USF3: variants seen among roughly 807,000 people sequenced by gnomAD.
USF3 encodes basic helix-loop-helix domain-containing protein USF3.
In USF3, 29 loss-of-function variants were observed where a neutral mutation model predicts 157.5. The observed-to-expected ratio is 0.18, with a 90% CI of 0.14 to 0.25. The LOEUF is 0.25. Among genes scored for constraint, USF3 ranks in the 10% least tolerant of loss-of-function variants. The pLI is 1.00. For missense variants in USF3, 2,381 were observed against 2,667.6 expected (o/e 0.89, Z 2.37); for synonymous variants, 893 against 941.4 (o/e 0.95, Z 0.94).
chr3:113,684,870 A>G (rs1020928823), intron 1 of USF3, among the ~76,000 whole-genome samples: 4 of 152,112 alleles, frequency 2.6e-5, no homozygotes, highest in African/African-American at 9.7e-5. Context: ...TAGTTCATTC[A>G]GTGAGGTCAT....
chr3:113,678,529 A>G (rs1034828416), intron 1 of USF3, among the ~76,000 whole-genome samples: 6 of 152,160 alleles, frequency 3.9e-5, no homozygotes, highest in Non-Finnish European at 7.3e-5. Context: ...ATCCATCTCA[A>G]TGTAAAATTA....
chr3:113,659,966 G>A lies in USF3; in HGVS notation c.1716C>T (p.Ser572=), dbSNP rs1947450989. The A allele has an allele frequency of 6.2e-7, 1 of 1,614,188 alleles. No homozygotes were observed. Among genetic ancestry groups the A allele is most frequent in the Non-Finnish European group, 8.5e-7 (1 of 1,180,030 alleles). Residue 572 remains serine, a synonymous_variant, in exon 7 of 7, where the codon TCC becomes TCT. Coordinates refer to ENST00000316407, the MANE Select transcript of USF3 (RefSeq NM_001009899.4). ...PCPTVMRAEV[S]NQTVGQQIVI... ...CTATCTGTTGACCTACTGTTTGGTTGGAAACTTCTGCCCTCATCACTGTTG... is the reference window on the plus strand; with the variant it reads ...CTATCTGTTGACCTACTGTTTGGTTAGAAACTTCTGCCCTCATCACTGTTG...
chr3:113,685,968 G>A lies in USF3; in HGVS notation c.-134-8571C>T, dbSNP rs151197506. Among the ~76,000 whole-genome samples, 312 of 152,238 alleles carry A rather than the reference G, an allele frequency of 2.0e-3. 1 individual carries two copies. The highest frequency in any genetic ancestry group is 5.7e-3 in the African/African-American group (236 of 41,530). The stretch of plus-strand genomic sequence containing the variant: ...AGCTGTGATGTCTGGAGTTGGAGGA[G>A]TGGTGATGCAAGCACTCCTTTGGCC... On this transcript the variant is annotated intron_variant, in intron 1 of 6. Coordinates refer to ENST00000316407, the MANE Select transcript of USF3 (RefSeq NM_001009899.4).
intron 5 of USF3, among the ~76,000 whole-genome samples, chr3:113,668,689 T>A (rs1384174083): frequency 3.3e-5 from 5 of 149,908 alleles, no homozygotes; most frequent in Non-Finnish European, 3.0e-5. Flanking sequence ...AAAAAGGAAA[T>A]CAGAGGAAAA....
chr3:113,668,808 A>C (rs1334280795), intron 5 of USF3, among the ~76,000 whole-genome samples: 1 of 152,170 alleles, frequency 6.6e-6, no homozygotes, highest in Non-Finnish European at 1.5e-5. Flanking sequence ...AGAATAAGAA[A>C]AAAGACTATT....
chr3:113,675,663 A>C (rs550467721), intron 2 of USF3, among the ~76,000 whole-genome samples: 1 of 152,320 alleles, frequency 6.6e-6, no homozygotes, highest in African/African-American at 2.4e-5. Context: ...TGATGCTTTT[A>C]TATCCCAGAG....
At chr3:113,670,317 G>A in intron 4 of USF3, 114 bp from the exon 5 acceptor site, 2 of 695,862 alleles carry the variant, frequency 2.9e-6, no homozygotes, top group Middle Eastern at 3.5e-4. Context: ...GCTTATCAAT[G>A]GCCAGGCGTG....
rs777339401 is a variant in USF3 at position 113,657,690 on chromosome 3, G to C, written c.3992C>G (p.Ala1331Gly). The change falls in exon 7 of 7, where the codon GCT becomes GGT. Residue 1331 changes from alanine to glycine, a missense_variant. By Grantham distance (60) the Ala-to-Gly change is moderately conservative. Coordinates refer to ENST00000316407, the MANE Select transcript of USF3 (RefSeq NM_001009899.4). ...AGACAGTAAAAGGTCATCTTGGACAGCACGCTTAGCAGAATCCTTACGGCT... is the reference window on the plus strand; with the variant it reads ...AGACAGTAAAAGGTCATCTTGGACACCACGCTTAGCAGAATCCTTACGGCT... ...HESRKDSAKR[A>G]VQDDLLLSSA... 4 of 1,614,206 alleles carry C rather than the reference G, an allele frequency of 2.5e-6. No homozygotes were observed. Among genetic ancestry groups the C allele is most frequent in the Non-Finnish European group, 3.4e-6 (4 of 1,180,036 alleles).
chr3:113,660,870 A>G lies in USF3; in HGVS notation c.812T>C (p.Leu271Ser), dbSNP rs779080314. Residue 271 changes from leucine to serine, a missense_variant, in exon 7 of 7, where the codon TTG (leucine) becomes TCG (serine). By Grantham distance (145) the Leu-to-Ser change is moderately radical (BLOSUM62 -2). Around this residue, in one of 6 missense-constraint regions of USF3, gnomAD observed 1,435 missense variants for 1,550.9 expected, o/e 0.93. Transcript: ENST00000316407. ...IESEPHQHHS[L>S]HTCLNDQNSS... ...ATTTTGATCATTTAGGCATGTGTGC[A>G]AAGAATGATGTTGGTGAGGCTCAGA... 5 of 1,614,210 alleles carry G rather than the reference A, an allele frequency of 3.1e-6. 1 individual carries two copies. In the South Asian group the frequency reaches 5.5e-5, roughly 18 times the overall value.
rs1270817257 is a variant in USF3 at position 113,660,003 on chromosome 3, G to A, written c.1679C>T (p.Thr560Ile). 6.2e-7 allele frequency: 1 copy of A among 1,614,168 alleles called. No homozygotes were observed. ...CCTCATCACTGTTGGGCATGGGGTGGTGCTAGGTGGCTGAAGAATTATAAC... is the reference window on the plus strand; with the variant it reads ...CCTCATCACTGTTGGGCATGGGGTGATGCTAGGTGGCTGAAGAATTATAAC... ...QNVIILQPPS[T>I]TPCPTVMRAE... is the part of the protein sequence containing the mutation. Residue 560 changes from threonine (T) to isoleucine (I), a missense_variant, in exon 7 of 7, where the codon ACC (threonine) becomes ATC (isoleucine). Around this residue, in one of 6 missense-constraint regions of USF3, gnomAD observed 1,435 missense variants for 1,550.9 expected, o/e 0.93. Coordinates refer to ENST00000316407, the MANE Select transcript of USF3 (RefSeq NM_001009899.4).
In USF3 at chr3:113,654,891, C is replaced by A. The variant is rs1947324880; in HGVS notation, c.*53G>T. 6.5e-7 allele frequency: 1 copy of A among 1,549,552 alleles called. No homozygotes were observed. The highest frequency in any genetic ancestry group is 1.2e-5 in the South Asian group (1 of 80,486). Reference sequence around the variant, plus strand: ...ATGTACATGTCTGTGCACATGCACGCACAAATACATTTGTAATCTCACTCA... The same window carrying A: ...ATGTACATGTCTGTGCACATGCACGAACAAATACATTTGTAATCTCACTCA... On this transcript the variant is annotated 3_prime_UTR_variant, in exon 7 of 7. Transcript: ENST00000316407.
intron 1 of USF3, among the ~76,000 whole-genome samples, chr3:113,687,140 A>T (rs190453593): frequency 6.6e-6 from 1 of 152,036 alleles, no homozygotes; most frequent in East Asian, 1.9e-4. Flanking sequence ...TCACAATTCA[A>T]TGCTAGAGTT....
In USF3 at chr3:113,660,651, C is replaced by A; in HGVS notation, c.1031G>T (p.Cys344Phe). 6.2e-7 allele frequency: 1 copy of A among 1,614,190 alleles called. No individual in the cohort carries two copies. The highest frequency in any genetic ancestry group is 2.2e-5 in the East Asian group (1 of 44,892). The change falls in exon 7 of 7, where the codon TGC becomes TTC. Residue 344 changes from cysteine (C) to phenylalanine (F), a missense_variant. Physicochemically the swap from Cys to Phe is radical, Grantham distance 205. This residue lies in a region of USF3 where 1,435 missense variants were observed against 1,550.9 expected (regional missense o/e 0.93). Transcript: ENST00000316407. The part of the protein sequence containing the change: ...TFVVSVTTTV[C>F]SQPPRTAGDS... ...ACCTGCAGTTCTGGGAGGCTGCGAG[C>A]AGACTGTGGTGGTAACTGAAACAAC...
chr3:113,667,544 T>C (rs1217956757), intron 5 of USF3, among the ~76,000 whole-genome samples: 1 of 152,218 alleles, frequency 6.6e-6, no homozygotes, highest in Non-Finnish European at 1.5e-5. Flanking sequence ...TGTGCCATTG[T>C]GTTAAGGAAA....
chr3:113,660,552 G>A lies in USF3; in HGVS notation c.1130C>T (p.Pro377Leu), dbSNP rs1397585416. The A allele has an allele frequency of 6.2e-7, 1 of 1,614,066 alleles. No homozygotes were observed. The highest frequency in any genetic ancestry group is 1.3e-5 in the African/African-American group (1 of 74,924). ...AGGAATGGTGGCCTTCCCTACTCCA[G>A]GGGCAGATGATGCCACCACTGTAGC... ...STATVVASSA[P>L]GVGKATIPIS... Residue 377 changes from proline (P) to leucine (L), a missense_variant, in exon 7 of 7, where the codon CCT becomes CTT. By Grantham distance (98) the Pro-to-Leu change is moderately conservative. This residue lies in a region of USF3 where 1,435 missense variants were observed against 1,550.9 expected (regional missense o/e 0.93). Transcript: ENST00000316407.
chr3:113,665,124 TGGAA>T (rs960501461), intron 5 of USF3, among the ~76,000 whole-genome samples: 2 of 151,992 alleles, frequency 1.3e-5, no homozygotes, highest in African/African-American at 4.8e-5. Flanking sequence ...GAGCAAAAAC[TGGAA>T]GGAAGTGAAA....
rs1186694840 is a variant in USF3 at position 113,648,790 on chromosome 3, TACAGTAAGCTTCTC to T, written c.*6140_*6153del. The T allele has an allele frequency of 2.1e-4, 32 of 152,562 alleles. No homozygotes were observed. Among genetic ancestry groups the T allele is most frequent in the Non-Finnish European group, 3.5e-4 (24 of 68,016 alleles). 9.5% of individuals were successfully genotyped at this position (152,562 alleles called of 1,614,324 possible). ...ATTAGTTTTTTTTGGGTGACTGCCC[TACAGTAAGCTTCTC>T]ACCCAGTGTATCTATAAATAATTTG... On this transcript the variant is annotated 3_prime_UTR_variant, in exon 7 of 7. Transcript: ENST00000316407.
rs779943023 is a variant in USF3 at position 113,670,241 on chromosome 3, A to G, written c.77-38T>C. The stretch of plus-strand genomic sequence containing the variant: ...AAATTCGTTTATCAAACCTTACACT[A>G]CTTAGTCAAAGTGCCCTCATTCAAC... On this transcript the variant is annotated intron_variant, in intron 4 of 6. Coordinates refer to ENST00000316407, the MANE Select transcript of USF3 (RefSeq NM_001009899.4). The G allele has an allele frequency of 3.1e-5, 38 of 1,224,476 alleles. No individual in the cohort carries two copies. In the South Asian group the frequency reaches 4.1e-4, roughly 13 times the overall value. 75.9% of individuals were successfully genotyped at this position (1,224,476 alleles called of 1,614,324 possible).
chr3:113,664,182 C>A, intron 6 of USF3, 131 bp downstream of exon 6: 1 of 570,820 alleles, frequency 1.8e-6, no homozygotes, highest in Non-Finnish European at 3.1e-6. Context: ...TCTTCCAGAC[C>A]CACTGAATGC....
Sources: allele counts gnomAD v4.1 joint callset (sites outside exome capture counted in the v4.1 genomes callset), GRCh38; gene constraint gnomAD v4.1.1; regional missense constraint gnomAD v4.1.1; transcripts MANE v1.5; gene names NCBI Gene and HGNC (gene_info 2026-07-23, HGNC 2026-07-21).